Variants in ATXN2 observed in about 807,000 individuals in gnomAD.
The protein encoded by ATXN2 is ataxin 2.
A neutral mutation model predicts 138.6 loss-of-function variants in ATXN2; 37 were observed. That is an observed-to-expected ratio of 0.27 (90% CI 0.21 to 0.35). The LOEUF (loss-of-function observed/expected upper bound fraction) is 0.35, where lower values mean the gene tolerates loss of function less well. Among genes scored for constraint, ATXN2 ranks in the 10% least tolerant of loss-of-function variants. The pLI, the probability that ATXN2 is intolerant of heterozygous loss-of-function variation, is 1.00. For missense variants in ATXN2, 1,216 were observed against 1,480.3 expected (o/e 0.82, Z 2.93); for synonymous variants, 549 against 543.7 (o/e 1.01, Z -0.13).
intron 18 of ATXN2, among the ~76,000 whole-genome samples, chr12:111,482,472 C>T (rs999098535): frequency 3.9e-5 from 6 of 152,132 alleles, no homozygotes; most frequent in African/African-American, 1.4e-4. Context: ...GGATTACAGG[C>T]GTGAGCCACC....
chr12:111,522,230 A>T (rs1880199859), intron 6 of ATXN2, among the ~76,000 whole-genome samples: 4 of 56,526 alleles, frequency 7.1e-5, no homozygotes, highest in East Asian at 0.024. Flanking sequence ...GCCCTACATA[A>T]AAAAAAAAAA....
chr12:111,592,709 G>T (rs1884728750), intron 1 of ATXN2, among the ~76,000 whole-genome samples: 1 of 139,714 alleles, frequency 7.2e-6, no homozygotes, highest in Non-Finnish European at 1.5e-5. Context: ...CTTGAACCCG[G>T]GAGGCAAAGG....
At chr12:111,503,279 T>C (rs902314238) in intron 14 of ATXN2, among the ~76,000 whole-genome samples, 1 of 152,250 alleles carries the variant, frequency 6.6e-6, no homozygotes, top group African/African-American at 2.4e-5. Flanking sequence ...CATTAGTTAC[T>C]ATTCAAAGCA....
At chr12:111,595,416 C>A (rs964372206) in intron 1 of ATXN2, among the ~76,000 whole-genome samples, 1 of 152,032 alleles carries the variant, frequency 6.6e-6, no homozygotes, top group African/African-American at 2.4e-5. Flanking sequence ...CCGAGGCGGG[C>A]GCATCACCTG....
chr12:111,507,604 C>A (rs1879238756), intron 14 of ATXN2, among the ~76,000 whole-genome samples: 1 of 151,918 alleles, frequency 6.6e-6, no homozygotes, highest in Non-Finnish European at 1.5e-5. Context: ...TGCCCGGCCG[C>A]CCCTTCTGGG....
intron 1 of ATXN2, among the ~76,000 whole-genome samples, chr12:111,585,758 G>A (rs538126712): frequency 3.3e-5 from 4 of 121,216 alleles, no homozygotes; most frequent in Non-Finnish European, 6.4e-5. Context: ...CAGAGATGGC[G>A]CCATTGCACT....
Position 111,598,071 on chromosome 12 carries a change from A to G in ATXN2, c.251+713T>C. The G allele has an allele frequency of 2.6e-6, 3 of 1,143,106 alleles. No individual in the cohort carries two copies. The highest frequency in any genetic ancestry group is 3.6e-5 in the South Asian group (2 of 54,826). 70.8% of individuals were successfully genotyped at this position (1,143,106 alleles called of 1,614,324 possible). A position where few individuals can be genotyped will look rare whatever the true frequency, so the allele number is the denominator to read the frequency against. On this transcript the variant is annotated intron_variant, in intron 1 of 24. Coordinates refer to ENST00000673436, the MANE Select transcript of ATXN2 (RefSeq NM_001372574.1). The surrounding 1 kb of genome is among the most constrained non-coding windows in gnomAD (Gnocchi z 4.5). Reference sequence around the variant, plus strand: ...CCCTTCCCCAGGTGGGGGAGGGTGGAACGCTGCCGGAGGCCACATGGAGCC... The same window carrying G: ...CCCTTCCCCAGGTGGGGGAGGGTGGGACGCTGCCGGAGGCCACATGGAGCC...
intron 1 of ATXN2, among the ~76,000 whole-genome samples, chr12:111,565,172 A>T (rs1367651834): frequency 6.6e-6 from 1 of 152,210 alleles, no homozygotes; most frequent in Non-Finnish European, 1.5e-5. Flanking sequence ...ACTGAAAAAA[A>T]AAACGTATTT....
At chr12:111,518,929 T>C (rs1318711058) in intron 8 of ATXN2, among the ~76,000 whole-genome samples, 1 of 152,054 alleles carries the variant, frequency 6.6e-6, no homozygotes, top group Non-Finnish European at 1.5e-5. Context: ...AGAGGATGCA[T>C]CTCTTACTTT....
intron 1 of ATXN2, among the ~76,000 whole-genome samples, chr12:111,565,205 A>G (rs1882929961): frequency 6.6e-6 from 1 of 152,182 alleles, no homozygotes; most frequent in South Asian, 2.1e-4. Context: ...TGTGATGGCA[A>G]TACATGCATA....
At chr12:111,562,673 T>A (rs1882762456) in intron 1 of ATXN2, among the ~76,000 whole-genome samples, 1 of 126,276 alleles carries the variant, frequency 7.9e-6, no homozygotes, top group Non-Finnish European at 1.5e-5. Flanking sequence ...TGAGCCAAGA[T>A]CAGGCCACCG....
intron 1 of ATXN2, among the ~76,000 whole-genome samples, chr12:111,596,071 G>C (rs1884924166): frequency 6.6e-6 from 1 of 152,050 alleles, no homozygotes; most frequent in Non-Finnish European, 1.5e-5. Context: ...GTGGTAGCAC[G>C]AACCTGTAAT....
chr12:111,561,193 A>T (rs1048316234), intron 1 of ATXN2, among the ~76,000 whole-genome samples: 32 of 151,960 alleles, frequency 2.1e-4, no homozygotes, highest in Admixed American at 3.9e-4. Context: ...TCAAAAAAAA[A>T]AAATAAATGA....
At chr12:111,595,710 T>C (rs1481807993) in intron 1 of ATXN2, among the ~76,000 whole-genome samples, 1 of 148,276 alleles carries the variant, frequency 6.7e-6, no homozygotes, top group Non-Finnish European at 1.5e-5. Context: ...CAAAATAACA[T>C]ACACAATCAC....
intron 14 of ATXN2, among the ~76,000 whole-genome samples, chr12:111,506,811 G>A (rs1422698227): frequency 5.3e-5 from 8 of 152,140 alleles, no homozygotes; most frequent in Non-Finnish European, 1.0e-4. Flanking sequence ...TTGCAGGCCC[G>A]CGCCGCCACG....
chr12:111,473,332 G>A (rs954102142), intron 18 of ATXN2, among the ~76,000 whole-genome samples: 15 of 149,604 alleles, frequency 1.0e-4, no homozygotes, highest in African/African-American at 2.2e-4. Context: ...AAGAACCAAC[G>A]ACAAAAAAAC....
chr12:111,520,418 C>T (rs991227849), intron 7 of ATXN2, among the ~76,000 whole-genome samples: 9 of 152,136 alleles, frequency 5.9e-5, no homozygotes, highest in Admixed American at 1.3e-4. Flanking sequence ...TTTGGGAGGC[C>T]GAGGCAGGTG....
At chr12:111,544,965 C>G (rs1411803059) in intron 5 of ATXN2, among the ~76,000 whole-genome samples, 1 of 151,938 alleles carries the variant, frequency 6.6e-6, no homozygotes, top group African/African-American at 2.4e-5. Flanking sequence ...CGAGACCATC[C>G]TAGCTAACAC....
intron 1 of ATXN2, among the ~76,000 whole-genome samples, chr12:111,596,796 G>A (rs1327032488): frequency 6.6e-6 from 1 of 152,078 alleles, no homozygotes; most frequent in Non-Finnish European, 1.5e-5. Flanking sequence ...TCAAGGAACA[G>A]AAAAAAGACC....
Sources: gnomAD v4.1 joint callset for allele counts (sites outside exome capture counted in the v4.1 genomes callset) on GRCh38, gnomAD v4.1.1 for gene constraint, Gnocchi (gnomAD v3.1) non-coding constraint, MANE v1.5 for transcripts, NCBI Gene and HGNC (gene_info 2026-07-23, HGNC 2026-07-21) for gene names.